SAMMSON: variants seen among roughly 807,000 people sequenced by gnomAD.
SAMMSON encodes the protein long intergenic non-protein coding RNA 1212.
At chr3:70,415,268 A>T (rs1453055028) in intron 2 of SAMMSON, among the ~76,000 whole-genome samples, 1 of 152,136 alleles carries the variant, frequency 6.6e-6, no homozygotes, top group Non-Finnish European at 1.5e-5. Flanking sequence ...TGTCAAGCGC[A>T]TGTTGCCCTT....
intron 7 of SAMMSON, among the ~76,000 whole-genome samples, chr3:70,318,847 C>G (rs1487437321): frequency 6.6e-6 from 1 of 151,832 alleles, no homozygotes; most frequent in African/African-American, 2.4e-5. Context: ...GATAATGGGT[C>G]ATTTTCAGTC....
intron 3 of SAMMSON, chr3:70,014,567 T>C (rs1433235261): frequency 6.6e-6 from 1 of 152,194 alleles, no homozygotes; most frequent in Non-Finnish European, 1.5e-5. Context: ...ATCAGTTCTG[T>C]AGGTTATGGG....
chr3:70,027,354 G>A (rs1295664572), intron 3 of SAMMSON, among the ~76,000 whole-genome samples: 2 of 152,172 alleles, frequency 1.3e-5, no homozygotes, highest in Admixed American at 6.5e-5. Flanking sequence ...GACATCAGAT[G>A]TTAATCTCCT....
intron 3 of SAMMSON, among the ~76,000 whole-genome samples, chr3:70,067,226 A>G: frequency 6.6e-6 from 1 of 152,098 alleles, no homozygotes; most frequent in East Asian, 1.9e-4. Flanking sequence ...AAGAAGAAAA[A>G]GATAGATAGA....
intron 4 of SAMMSON, among the ~76,000 whole-genome samples, chr3:70,231,941 T>A (rs1256488027): frequency 6.6e-6 from 1 of 152,158 alleles, no homozygotes; most frequent in Non-Finnish European, 1.5e-5. Context: ...ATAACAGTCG[T>A]GTATTCTTGA....
Position 70,128,951 on chromosome 3 carries a change from A to G in SAMMSON, n.507+57386A>G, listed in dbSNP as rs530832931. Among the ~76,000 whole-genome samples the G allele has an allele frequency of 2.6e-5, 4 of 152,346 alleles. No individual in the cohort carries two copies. In the South Asian group the frequency reaches 8.3e-4, roughly 32 times the overall value. On this transcript the variant is annotated intron_variant and non_coding_transcript_variant, in intron 4 of 9. Coordinates refer to ENST00000642114, the Ensembl canonical transcript of SAMMSON. ...TGTAGAAAGTAATATTTCACGGAGT[A>G]GGTAAATATAGTAATTTTCAATTTA...
At chr3:70,235,221 C>T (rs1575603380) in intron 4 of SAMMSON, among the ~76,000 whole-genome samples, 1 of 152,168 alleles carries the variant, frequency 6.6e-6, no homozygotes, top group Admixed American at 6.5e-5. Flanking sequence ...CATCAACCGT[C>T]GTTCTCTTTC....
intron 4 of SAMMSON, among the ~76,000 whole-genome samples, chr3:70,225,043 A>T (rs1323633014): frequency 6.6e-6 from 1 of 152,192 alleles, no homozygotes. Flanking sequence ...CTGTTTGGAA[A>T]ATATATTTCT....
chr3:70,002,086 TCA>T (rs1447696566), intron 1 of SAMMSON, among the ~76,000 whole-genome samples: 1 of 152,216 alleles, frequency 6.6e-6, no homozygotes, highest in Non-Finnish European at 1.5e-5. Context: ...TATGGATGTA[TCA>T]CAGTTTATTT....
chr3:70,307,284 C>T (rs1702411298), intron 7 of SAMMSON, among the ~76,000 whole-genome samples: 2 of 152,056 alleles, frequency 1.3e-5, no homozygotes, highest in Non-Finnish European at 2.9e-5. Context: ...CCAGTTTCTC[C>T]TGAAAAATCA....
chr3:70,279,221 A>T (rs371729730), intron 6 of SAMMSON, among the ~76,000 whole-genome samples: 1 of 151,744 alleles, frequency 6.6e-6, no homozygotes, highest in Admixed American at 6.6e-5. Flanking sequence ...GTAGTGTTTC[A>T]CAAGAACCCT....
At chr3:70,141,556 C>A (rs908976976) in intron 4 of SAMMSON, among the ~76,000 whole-genome samples, 5 of 115,974 alleles carry the variant, frequency 4.3e-5, no homozygotes, top group Admixed American at 3.6e-4. Flanking sequence ...ATAATATTTA[C>A]CTGCCACCAT....
intron 7 of SAMMSON, among the ~76,000 whole-genome samples, chr3:70,298,407 T>C (rs1272570778): frequency 6.6e-6 from 1 of 152,138 alleles, no homozygotes; most frequent in Non-Finnish European, 1.5e-5. Context: ...GATATTAAAA[T>C]GATTAATCCT....
intron 6 of SAMMSON, among the ~76,000 whole-genome samples, chr3:70,289,275 C>T (rs2106690593): frequency 6.6e-6 from 1 of 151,162 alleles, no homozygotes; most frequent in East Asian, 2.0e-4. Context: ...AATCTCTCAG[C>T]ATTTGCTTGT....
intron 4 of SAMMSON, among the ~76,000 whole-genome samples, chr3:70,095,688 G>C (rs1374898001): frequency 6.6e-6 from 1 of 152,118 alleles, no homozygotes; most frequent in Non-Finnish European, 1.5e-5. Flanking sequence ...ATGGTTCTTA[G>C]GAGTTGTTTT....
At chr3:70,320,952 G>A (rs1040419125) in intron 7 of SAMMSON, among the ~76,000 whole-genome samples, 8 of 152,130 alleles carry the variant, frequency 5.3e-5, no homozygotes, top group African/African-American at 1.7e-4. Flanking sequence ...CAGAGTTGTT[G>A]GGGAGGGAGG....
At chr3:70,074,276 C>G (rs538580943) in intron 4 of SAMMSON, among the ~76,000 whole-genome samples, 1 of 152,000 alleles carries the variant, frequency 6.6e-6, no homozygotes, top group South Asian at 2.1e-4. Flanking sequence ...ATATTATTTA[C>G]AATTGTGTTG....
intron 3 of SAMMSON, among the ~76,000 whole-genome samples, chr3:70,032,208 G>C (rs764038638): frequency 6.6e-6 from 1 of 152,084 alleles, no homozygotes; most frequent in Non-Finnish European, 1.5e-5. Context: ...CCTCTGAACA[G>C]CCACCCATAT....
At chr3:70,066,765 A>G (rs925678485) in intron 3 of SAMMSON, among the ~76,000 whole-genome samples, 19 of 152,122 alleles carry the variant, frequency 1.2e-4, no homozygotes, top group African/African-American at 4.3e-4. Context: ...AGTTGCTCCA[A>G]CATTGAAGAA....
Sources: allele counts gnomAD v4.1 joint callset (sites outside exome capture counted in the v4.1 genomes callset), GRCh38; gene constraint gnomAD v4.1.1; transcripts MANE v1.5; gene names NCBI Gene and HGNC (gene_info 2026-07-23, HGNC 2026-07-21).